CPB2: variants seen among roughly 807,000 people sequenced by gnomAD.
The protein encoded by CPB2 is carboxypeptidase B2.
A neutral mutation model predicts 57.0 loss-of-function variants in CPB2; 54 were observed. The observed-to-expected ratio is 0.95, with a 90% CI of 0.76 to 1.19. CPB2 has a LOEUF of 1.19. Among genes scored for constraint, CPB2 ranks in the 50% most tolerant of loss-of-function variants. The pLI is 0.00. For synonymous variants in CPB2, 189 were observed against 178.1 expected (o/e 1.06, Z -0.49); for missense variants, 426 against 512.0 (o/e 0.83, Z 1.62).
At chr13:46,104,629 T>C (rs1176705273) in intron 1 of CPB2, among the ~76,000 whole-genome samples, 2 of 152,192 alleles carry the variant, frequency 1.3e-5, no homozygotes, top group Non-Finnish European at 2.9e-5. Context: ...TACATCAAGT[T>C]AGAGTATAAA....
intron 5 of CPB2, among the ~76,000 whole-genome samples, chr13:46,077,977 A>G (rs1167560606): frequency 6.6e-6 from 1 of 152,152 alleles, no homozygotes; most frequent in Non-Finnish European, 1.5e-5. Context: ...CAAAATAGAT[A>G]GAAGGAATAA....
chr13:46,071,399 T>G (rs996933306), intron 6 of CPB2, among the ~76,000 whole-genome samples: 3 of 152,202 alleles, frequency 2.0e-5, no homozygotes, highest in African/African-American at 7.2e-5. Context: ...GGCCACATTC[T>G]GGGTCTAAGG....
chr13:46,073,785 C>A, intron 6 of CPB2, 88 bp downstream of exon 6: 1 of 800,786 alleles, frequency 1.2e-6, no homozygotes, highest in African/African-American at 1.8e-5. Flanking sequence ...TAGGAAAATG[C>A]ATTTTAATAA....
chr13:46,086,321 G>A (rs2045203617), intron 2 of CPB2, among the ~76,000 whole-genome samples: 5 of 152,172 alleles, frequency 3.3e-5, no homozygotes, highest in South Asian at 2.1e-4. Context: ...GAACAATGAC[G>A]TACGTGGACA....
At chr13:46,078,251 C>G (rs1216054100) in intron 5 of CPB2, among the ~76,000 whole-genome samples, 3 of 151,992 alleles carry the variant, frequency 2.0e-5, no homozygotes, top group Non-Finnish European at 4.4e-5. Flanking sequence ...AAAAGCTGCA[C>G]CACTTTTTTT....
chr13:46,057,289 C>T (rs1489356387), intron 9 of CPB2, among the ~76,000 whole-genome samples: 1 of 152,066 alleles, frequency 6.6e-6, no homozygotes, highest in Non-Finnish European at 1.5e-5. Context: ...GCTCAAGTAT[C>T]AAGTACATTT....
chr13:46,091,727 AATTCTTGGTG>A (rs1239132912), intron 1 of CPB2, among the ~76,000 whole-genome samples: 2 of 152,246 alleles, frequency 1.3e-5, no homozygotes, highest in Non-Finnish European at 2.9e-5. Context: ...AGGTTGTGAG[AATTCTTGGTG>A]ATTCTTACAC....
chr13:46,057,525 G>A (rs1409435), intron 9 of CPB2, among the ~76,000 whole-genome samples: 119,793 of 152,110 alleles, frequency 0.79, 47,517 homozygotes, highest in African/African-American at 0.87. Flanking sequence ...AGGATTTGTC[G>A]AAGCCTAGCT....
chr13:46,094,284 A>G (rs2045335170), intron 1 of CPB2, among the ~76,000 whole-genome samples: 1 of 152,152 alleles, frequency 6.6e-6, no homozygotes, highest in African/African-American at 2.4e-5. Flanking sequence ...GGTGCAGGCC[A>G]TGCTTTCTCC....
chr13:46,053,798 T>C lies in CPB2; in HGVS notation c.1088A>G (p.Tyr363Cys). 2 of 1,610,562 alleles carry C rather than the reference T, an allele frequency of 1.2e-6. No individual in the cohort carries two copies. The highest frequency in any genetic ancestry group is 1.1e-5 in the South Asian group (1 of 90,840). ...ATCGTCCCCACCTCCAGGAGCTAGG[T>C]CTAAAAGAAGAAGAAAGAAATTGTT... ...YTHGHGSETLYLAPGGGDDWI... is the reference protein window; with the variant it reads ...YTHGHGSETLCLAPGGGDDWI... Residue 363 changes from tyrosine to cysteine, a missense_variant and splice_region_variant, in exon 11 of 11, where the codon TAC becomes TGC. Transcript: ENST00000181383.
At chr13:46,067,697 G>T (rs926331225) in intron 6 of CPB2, among the ~76,000 whole-genome samples, 2 of 152,082 alleles carry the variant, frequency 1.3e-5, no homozygotes, top group African/African-American at 4.8e-5. Flanking sequence ...CTTTATTAAA[G>T]CCATAGAGCC....
chr13:46,070,088 C>T (rs2044916881), intron 6 of CPB2, among the ~76,000 whole-genome samples: 1 of 152,198 alleles, frequency 6.6e-6, no homozygotes, highest in Admixed American at 6.5e-5. Flanking sequence ...AATGCATATT[C>T]AGTAGAAACC....
intron 5 of CPB2, among the ~76,000 whole-genome samples, chr13:46,078,094 G>A (rs1428445141): frequency 6.6e-6 from 1 of 152,024 alleles, no homozygotes; most frequent in Non-Finnish European, 1.5e-5. Flanking sequence ...ATAAATGTTT[G>A]AAGTGATGGA....
At chr13:46,067,486 CTT>C in intron 6 of CPB2, 69 bp from the exon 7 acceptor site, 2 of 808,158 alleles carry the variant, frequency 2.5e-6, no homozygotes, top group Non-Finnish European at 4.1e-6. Context: ...GTTTCTTTTT[CTT>C]TTTTTTAATT....
intron 8 of CPB2, among the ~76,000 whole-genome samples, chr13:46,059,408 TG>T (rs2044740658): frequency 6.6e-6 from 1 of 152,232 alleles, no homozygotes; most frequent in Non-Finnish European, 1.5e-5. Context: ...ATTAGCTATA[TG>T]GCTTTGGGTA....
rs561402523 is a variant in CPB2 at position 46,054,093 on chromosome 13, G to A, written c.1088-295C>T. On this transcript the variant is annotated intron_variant, in intron 10 of 10. Transcript: ENST00000181383. ...ACTGAATTCATTTATACTTCCACAA[G>A]CAGGGTATGAATTTGCCCATTTCCC... is the stretch of plus-strand genomic sequence containing the variant. Among the ~76,000 whole-genome samples, 6 of 152,210 alleles carry A rather than the reference G, an allele frequency of 3.9e-5. No individual in the cohort carries two copies. In the South Asian group the frequency reaches 1.2e-3, roughly 32 times the overall value.
chr13:46,104,307 A>G (rs1056666380), intron 1 of CPB2, among the ~76,000 whole-genome samples: 3 of 152,378 alleles, frequency 2.0e-5, no homozygotes, highest in Middle Eastern at 3.4e-3. Flanking sequence ...AAAATTGACT[A>G]CTTAATAAAT....
intron 8 of CPB2, among the ~76,000 whole-genome samples, chr13:46,059,861 T>TA (rs1246391657): frequency 6.6e-6 from 1 of 152,214 alleles, no homozygotes; most frequent in Non-Finnish European, 1.5e-5. Flanking sequence ...TAATGTTTGT[T>TA]AAAAAATTGT....
intron 6 of CPB2, among the ~76,000 whole-genome samples, chr13:46,069,031 G>A (rs2044898397): frequency 6.6e-6 from 1 of 151,856 alleles, no homozygotes; most frequent in Non-Finnish European, 1.5e-5. Flanking sequence ...CTACAACATG[G>A]GCCAAACTTT....
Sources: gnomAD v4.1 joint callset for allele counts (sites outside exome capture counted in the v4.1 genomes callset) on GRCh38, gnomAD v4.1.1 for gene constraint, MANE v1.5 for transcripts, NCBI Gene and HGNC (gene_info 2026-07-23, HGNC 2026-07-21) for gene names.